The following SLC2A5 variants were observed in gnomAD, a reference collection of about 807,000 sequenced individuals.
The protein encoded by SLC2A5 is solute carrier family 2, facilitated glucose transporter member 5.
In SLC2A5, 56 loss-of-function variants were observed where a neutral mutation model predicts 50.3. That is an observed-to-expected ratio of 1.11 (90% confidence interval 0.90 to 1.39). SLC2A5 has a LOEUF of 1.39. Among genes scored for constraint, SLC2A5 ranks in the 40% most tolerant of loss-of-function variants. SLC2A5 has a pLI of 0.00. For synonymous variants in SLC2A5, 269 were observed against 281.9 expected, an observed-to-expected ratio of 0.95 and a Z score of 0.46; for missense variants, 566 against 650.1, an observed-to-expected ratio of 0.87 and a Z score of 1.41.
intron 5 of SLC2A5, chr1:9,041,415 G>T: frequency 8.7e-7 from 1 of 1,155,668 alleles, no homozygotes; most frequent in Non-Finnish European, 1.1e-6. Flanking sequence ...GCGTTGCTGG[G>T]AGGGTCCTAT....
chr1:9,047,408 A>G (rs574512520), intron 4 of SLC2A5, among the ~76,000 whole-genome samples: 9 of 152,356 alleles, frequency 5.9e-5, no homozygotes, highest in Admixed American at 1.3e-4. Flanking sequence ...CAGTCTTTCA[A>G]AGATGTTTCT....
chr1:9,047,604 G>T lies in SLC2A5; in HGVS notation c.418+6C>A. 6 of 1,613,206 alleles carry T rather than the reference G, an allele frequency of 3.7e-6. No individual in the cohort carries two copies. Among genetic ancestry groups the T allele is most frequent in the Non-Finnish European group, 5.1e-6 (6 of 1,179,506 alleles). Reference sequence around the variant, plus strand: ...CAGAATGGCAATACAGCATAGCATTGTTTACCTGCACATATTCCCACCAAA... The same window carrying T: ...CAGAATGGCAATACAGCATAGCATTTTTTACCTGCACATATTCCCACCAAA... On this transcript the variant is annotated splice_donor_region_variant and intron_variant, in intron 4 of 11. Transcript: ENST00000377424.
rs1286094327 is a variant in SLC2A5, at chr1:9,040,219, C to T, written c.572-30G>A. On this transcript the variant is annotated intron_variant, in intron 5 of 11. Transcript: ENST00000377424. This position sits in a 1 kb window ranked among gnomAD's most constrained non-coding sequence, Gnocchi z 4.3. ...GAGGAAGGCAGCGAGCTGGCACCAG[C>T]GGCCTCCCCACCACCCCGAAGGCGC... 3.2e-6 allele frequency: 5 copies of T among 1,540,254 alleles called. No individual in the cohort carries two copies. Among genetic ancestry groups the T allele is most frequent in the Non-Finnish European group, 4.4e-6 (5 of 1,145,378 alleles).
rs556373997 is a variant in SLC2A5, at chr1:9,037,676, G to C, written c.1416C>G (p.Asn472Lys). ...ETKAKTFIEI[N>K]QIFTKMNKVS... ...CCTTATTCATCTTGGTGAAAATCTG[G>C]TTGATCTCTATGAACGTCTTGGCCT... The change falls in exon 12 of 12, where the codon AAC (asparagine) becomes AAG (lysine). Residue 472 changes from asparagine (N) to lysine (K), a missense_variant. Transcript: ENST00000377424. 1 of 1,614,180 alleles carries C rather than the reference G, an allele frequency of 6.2e-7. No individual in the cohort carries two copies. The highest frequency in any genetic ancestry group is 1.7e-5 in the Admixed American group (1 of 60,028).
rs190638553 is a variant in SLC2A5 at position 9,058,241 on chromosome 1, G to C, written c.43C>G (p.Leu15Val). The stretch of plus-strand genomic sequence containing the variant: ...ATCAGGGTTGCCAGGGCAAGCACAA[G>C]CGTCAGCCTCTGCAGAGATCACAGC... The part of the protein sequence containing the change: ...DQSMKEGRLT[L>V]VLALATLIAA... The change falls in exon 2 of 12, where the codon CTT becomes GTT. Residue 15 changes from leucine (L) to valine (V), a missense_variant. Leu to Val is a conservative substitution (Grantham distance 32). Coordinates refer to ENST00000377424, the MANE Select transcript of SLC2A5 (RefSeq NM_003039.3). The C allele has an allele frequency of 9.8e-5, 158 of 1,613,746 alleles. No homozygotes were observed. The highest frequency in any genetic ancestry group is 2.0e-4 in the Admixed American group (12 of 59,992).
At chr1:9,075,220 C>T (rs1642269583) in intron 2 of SLC2A5, among the ~76,000 whole-genome samples, 1 of 152,062 alleles carries the variant, frequency 6.6e-6, no homozygotes, top group Non-Finnish European at 1.5e-5. Flanking sequence ...GTTTATGTCC[C>T]AGGAAGTGTA....
chr1:9,089,157 AC>A (rs1324016919), upstream of SLC2A5, among the ~76,000 whole-genome samples: 1 of 152,138 alleles, frequency 6.6e-6, no homozygotes, highest in Non-Finnish European at 1.5e-5. Flanking sequence ...CCCCATAGAG[AC>A]CCAAACTGAA....
In SLC2A5 at chr1:9,037,902, T is replaced by C; in HGVS notation, c.1297A>G (p.Ile433Val). 6.2e-7 allele frequency: 1 copy of C among 1,613,864 alleles called. No individual in the cohort carries two copies. Among genetic ancestry groups the C allele is most frequent in the South Asian group, 1.1e-5 (1 of 91,078 alleles). ...NFTVGLIFPFIQEGLGPYSFI... is the reference protein window; with the variant it reads ...NFTVGLIFPFVQEGLGPYSFI... ...GGGCCCCGGGCCCCACTCACCTGGA[T>C]GAACGGGAAGATCAAGCCCACGGTG... The change falls in exon 11 of 12, where the codon ATC becomes GTC. Residue 433 changes from isoleucine (I) to valine (V), a missense_variant. Coordinates refer to ENST00000377424, the MANE Select transcript of SLC2A5 (RefSeq NM_003039.3).
intron 2 of SLC2A5, chr1:9,082,756 C>T (rs988097449): frequency 4.9e-5 from 20 of 405,138 alleles, no homozygotes; most frequent in African/African-American, 4.1e-4. Flanking sequence ...CAATCTTGCA[C>T]CAGGCAGCCC....
At chr1:9,081,358 T>C (rs1251905572) in intron 2 of SLC2A5, among the ~76,000 whole-genome samples, 1 of 143,774 alleles carries the variant, frequency 7.0e-6, no homozygotes, top group African/African-American at 2.6e-5. Context: ...AGTAAAAAGA[T>C]GAGCTGGGTA....
chr1:9,069,850 GTGAATGACTGGAAGGGTTATTT>G, upstream of SLC2A5: 1 of 288,486 alleles, frequency 3.5e-6, no homozygotes, highest in Non-Finnish European at 6.6e-6. Context: ...CAGGCTCATG[GTGAATGACTGGAAGGGTTATTT>G]CTGTCAGGAA....
upstream of SLC2A5, among the ~76,000 whole-genome samples, chr1:9,070,072 G>GTTTTTT (rs56828280): frequency 1.1e-4 from 7 of 62,514 alleles, no homozygotes; most frequent in Non-Finnish European, 1.7e-4. Context: ...CTCATTTTCT[G>GTTTTTT]TTTTTTTTTT....
chr1:9,078,339 C>T (rs532177331), intron 2 of SLC2A5, among the ~76,000 whole-genome samples: 1 of 152,260 alleles, frequency 6.6e-6, no homozygotes, highest in East Asian at 1.9e-4. Flanking sequence ...CTTCTTATTT[C>T]ATCCTGTGAC....
intron 2 of SLC2A5, among the ~76,000 whole-genome samples, chr1:9,077,027 T>C (rs1350978297): frequency 1.3e-5 from 2 of 151,312 alleles, no homozygotes; most frequent in Non-Finnish European, 2.9e-5. Flanking sequence ...GACCTCGTGA[T>C]CCGCTCGCCT....
intron 1 of SLC2A5, among the ~76,000 whole-genome samples, chr1:9,060,140 CTACA>C (rs1223309873): frequency 8.5e-5 from 11 of 130,172 alleles, no homozygotes; most frequent in African/African-American, 3.2e-4. Flanking sequence ...AACACACACA[CTACA>C]TACACACTAC....
At chr1:9,094,095 G>C in the SLC2A5 span, among the ~76,000 whole-genome samples, 1 of 152,212 alleles carries the variant, frequency 6.6e-6, no homozygotes, top group South Asian at 2.1e-4. Flanking sequence ...TTCCCTGTAG[G>C]GTTCTTAACT....
intron 2 of SLC2A5, among the ~76,000 whole-genome samples, chr1:9,081,372 T>C (rs929688833): frequency 7.1e-6 from 1 of 140,350 alleles, no homozygotes; most frequent in Non-Finnish European, 1.5e-5. Context: ...CTGGGTACAG[T>C]GGCATGTGCC....
intron 1 of SLC2A5, among the ~76,000 whole-genome samples, chr1:9,067,579 A>G (rs963954375): frequency 6.6e-5 from 10 of 152,102 alleles, no homozygotes; most frequent in Admixed American, 4.6e-4. Context: ...TTTCTTTTCT[A>G]TAAAATGGAG....
chr1:9,076,350 A>G (rs931309888), intron 2 of SLC2A5, among the ~76,000 whole-genome samples: 2 of 152,308 alleles, frequency 1.3e-5, no homozygotes, highest in African/African-American at 4.8e-5. Context: ...CAGGCGATGG[A>G]GATCTGCCCT....
Sources: gnomAD v4.1 joint callset for allele counts (sites outside exome capture counted in the v4.1 genomes callset) on GRCh38, gnomAD v4.1.1 for gene constraint, Gnocchi (gnomAD v3.1) non-coding constraint, MANE v1.5 for transcripts, NCBI Gene and HGNC (gene_info 2026-07-23, HGNC 2026-07-21) for gene names.